The following ACER3 variants were observed in gnomAD, a reference collection of about 807,000 sequenced individuals.
ACER3 encodes alkCDase 3.
Under a neutral mutation model 48.9 loss-of-function variants are expected in ACER3, and 16 were observed. That is an observed-to-expected ratio of 0.33 (90% CI 0.22 to 0.50). The LOEUF is 0.50. ACER3 is among the 20% of genes least tolerant of loss of function. The probability of loss-of-function intolerance (pLI) is 0.98; values close to 1 mark genes in which losing one functional copy is unlikely to be tolerated. For missense variants in ACER3, 227 were observed against 326.0 expected (o/e 0.70, Z 2.34); for synonymous variants, 109 against 107.8 (o/e 1.01, Z -0.07).
Position 76,963,184 on chromosome 11 carries a change from G to A in ACER3, c.267+4153G>A, listed in dbSNP as rs546082998. Among the ~76,000 whole-genome samples, 24 of 151,390 alleles carry A rather than the reference G, an allele frequency of 1.6e-4. 1 individual carries two copies. The South Asian group carries it at 4.1e-3, about 26-fold the overall frequency. ...CCTCCCCTTTTCAGACATGTACACA[G>A]TGGGCCCCATGGAAACTTGCAGAGG... On this transcript the variant is annotated intron_variant, in intron 3 of 10. Coordinates refer to ENST00000532485, the MANE Select transcript of ACER3 (RefSeq NM_018367.7).
chr11:76,870,797 G>A (rs1037844364), intron 1 of ACER3, among the ~76,000 whole-genome samples: 1 of 152,204 alleles, frequency 6.6e-6, no homozygotes, highest in Non-Finnish European at 1.5e-5. Flanking sequence ...GATTATATGA[G>A]ATACAGCCAC....
intron 2 of ACER3, chr11:76,957,374 C>T (rs1947867882): frequency 8.8e-6 from 3 of 339,558 alleles, no homozygotes; most frequent in East Asian, 1.0e-4. Flanking sequence ...GATATTAAAC[C>T]TTTGATATAT....
At chr11:76,939,023 C>A (rs1947269244) in intron 2 of ACER3, among the ~76,000 whole-genome samples, 1 of 149,258 alleles carries the variant, frequency 6.7e-6, no homozygotes, top group Non-Finnish European at 1.5e-5. Context: ...TTTGGCCAAA[C>A]CAGGACAATC....
At chr11:76,930,593 T>G (rs12280858) in intron 2 of ACER3, among the ~76,000 whole-genome samples, 86,754 of 151,682 alleles carry the variant, frequency 0.57, 28,031 homozygotes, top group Non-Finnish European at 0.74. Flanking sequence ...GCTTTCTCTT[T>G]TGGGCATTTA....
chr11:76,901,706 G>A (rs148813044), intron 1 of ACER3, among the ~76,000 whole-genome samples: 3,590 of 152,230 alleles, frequency 0.024, 150 homozygotes, highest in African/African-American at 0.082. Flanking sequence ...CAAGCAGGGG[G>A]TACGTGACTG....
At chr11:76,933,555 C>T (rs1947077143) in intron 2 of ACER3, among the ~76,000 whole-genome samples, 4 of 151,918 alleles carry the variant, frequency 2.6e-5, no homozygotes, top group Middle Eastern at 3.4e-3. Context: ...TCCATTTAAC[C>T]CTGAGTGGAC....
chr11:77,026,671 A>G lies in ACER3; in HGVS notation c.*6344A>G, dbSNP rs559921333. 20 of 152,328 alleles carry G rather than the reference A, an allele frequency of 1.3e-4. No homozygotes were observed. Among genetic ancestry groups the G allele is most frequent in the African/African-American group, 4.8e-4 (20 of 41,572 alleles). 9.4% of individuals were successfully genotyped at this position (152,328 alleles called of 1,614,324 possible). A position where few individuals can be genotyped will look rare whatever the true frequency, so the allele number is the denominator to read the frequency against. On this transcript the variant is annotated 3_prime_UTR_variant, in exon 11 of 11. Coordinates refer to ENST00000532485, the MANE Select transcript of ACER3 (RefSeq NM_018367.7). ...TTCCATTTGATTTGCTAATGCCACAATCATTTTTCTAGAAAATAGTAGGAT... is the reference window on the plus strand; with the variant it reads ...TTCCATTTGATTTGCTAATGCCACAGTCATTTTTCTAGAAAATAGTAGGAT...
intron 2 of ACER3, among the ~76,000 whole-genome samples, chr11:76,936,934 C>A (rs1480193106): frequency 6.6e-6 from 1 of 152,052 alleles, no homozygotes; most frequent in African/African-American, 2.4e-5. Context: ...CCAGGCTGAT[C>A]TTGAACTCCT....
At chr11:76,967,379 A>G (rs1285500215) in intron 3 of ACER3, among the ~76,000 whole-genome samples, 1 of 152,226 alleles carries the variant, frequency 6.6e-6, no homozygotes, top group Non-Finnish European at 1.5e-5. Flanking sequence ...TACCAGAGGT[A>G]CAAGGAGAAG....
chr11:76,943,557 A>G (rs893394740), intron 2 of ACER3, among the ~76,000 whole-genome samples: 3 of 152,068 alleles, frequency 2.0e-5, no homozygotes, highest in African/African-American at 7.2e-5. Context: ...AAAAATTTTA[A>G]GACTTATTTT....
At position 76,933,937 on chromosome 11, in the gene ACER3, G is replaced by A. The variant is rs535163413; in HGVS notation, c.214+7270G>A. ...GGTCTCCTCACTTCTTAGTCGGGGC[G>A]GCCGGGCAGAGACGCTCCTCACCTC... On this transcript the variant is annotated intron_variant, in intron 2 of 10. Transcript: ENST00000532485. Among the ~76,000 whole-genome samples the A allele has an allele frequency of 1.3e-4, 20 of 152,068 alleles. No homozygotes were observed. The South Asian group carries it at 2.9e-3, about 22-fold the overall frequency.
intron 1 of ACER3, among the ~76,000 whole-genome samples, chr11:76,905,763 T>C (rs1336257235): frequency 6.8e-6 from 1 of 146,012 alleles, no homozygotes; most frequent in Non-Finnish European, 1.5e-5. Flanking sequence ...GAATGAAATA[T>C]AGTATCTAAT....
At chr11:76,872,843 A>G (rs1288170913) in intron 1 of ACER3, among the ~76,000 whole-genome samples, 1 of 151,620 alleles carries the variant, frequency 6.6e-6, no homozygotes, top group Non-Finnish European at 1.5e-5. Flanking sequence ...GTAGATATGG[A>G]ATGTGGCCTT....
intron 1 of ACER3, among the ~76,000 whole-genome samples, chr11:76,869,896 C>G (rs1945198804): frequency 6.6e-6 from 1 of 152,196 alleles, no homozygotes; most frequent in African/African-American, 2.4e-5. Flanking sequence ...GGGTCTCATT[C>G]TGTTGCTTAG....
At chr11:76,903,571 C>G (rs1380818386) in intron 1 of ACER3, among the ~76,000 whole-genome samples, 1 of 151,388 alleles carries the variant, frequency 6.6e-6, no homozygotes, top group Non-Finnish European at 1.5e-5. Context: ...CTGCTTATAA[C>G]TCCTCCCATT....
chr11:77,023,409 G>A lies in ACER3; in HGVS notation c.*3082G>A. ...ATCTTTAAATGCCTGCAAAAATTAA[G>A]TTCTGTTATAATACCAGCCAATTCT... On this transcript the variant is annotated 3_prime_UTR_variant, in exon 11 of 11. Coordinates refer to ENST00000532485, the MANE Select transcript of ACER3 (RefSeq NM_018367.7). 2.8e-6 allele frequency: 1 copy of A among 363,260 alleles called. No homozygotes were observed. Among genetic ancestry groups the A allele is most frequent in the Non-Finnish European group, 4.9e-6 (1 of 203,212 alleles). 22.5% of individuals were successfully genotyped at this position (363,260 alleles called of 1,614,324 possible).
At chr11:76,996,423 ATTATTATTT>A (rs1254470806) in intron 6 of ACER3, among the ~76,000 whole-genome samples, 6 of 79,168 alleles carry the variant, frequency 7.6e-5, no homozygotes, top group East Asian at 3.7e-4. Context: ...TATTATTATT[ATTATTATTT>A]TTTGAGACAG....
chr11:76,993,788 T>G (rs893056050), intron 6 of ACER3, among the ~76,000 whole-genome samples: 9 of 152,206 alleles, frequency 5.9e-5, no homozygotes, highest in Non-Finnish European at 1.3e-4. Flanking sequence ...ATCCCTTATA[T>G]GTGCAGTTCA....
chr11:76,979,277 G>C (rs1948523767), intron 4 of ACER3, among the ~76,000 whole-genome samples: 1 of 152,180 alleles, frequency 6.6e-6, no homozygotes, highest in East Asian at 1.9e-4. Flanking sequence ...TAAAGTAATT[G>C]AAAGATTTTT....
Sources: allele counts gnomAD v4.1 joint callset (sites outside exome capture counted in the v4.1 genomes callset), GRCh38; gene constraint gnomAD v4.1.1; transcripts MANE v1.5; gene names NCBI Gene and HGNC (gene_info 2026-07-23, HGNC 2026-07-21).